Variants in INO80D observed in about 807,000 individuals in gnomAD.
INO80D encodes the protein INO80 complex subunit D.
INO80D carries 21 observed loss-of-function variants against 87.6 expected under a neutral mutation model. The observed-to-expected ratio is 0.24, with a 90% confidence interval of 0.17 to 0.35. The LOEUF (loss-of-function observed/expected upper bound fraction) is 0.35, where lower values mean the gene tolerates loss of function less well. Ranked by LOEUF, INO80D falls within the 10% of genes least tolerant of loss-of-function variation. INO80D has a pLI of 1.00. For synonymous variants in INO80D, 440 were observed against 491.0 expected, an observed-to-expected ratio of 0.90 and a Z score of 1.37; for missense variants, 982 against 1,280.7, an observed-to-expected ratio of 0.77 and a Z score of 3.56.
intron 6 of INO80D, among the ~76,000 whole-genome samples, chr2:206,023,816 A>G (rs1158771655): frequency 1.3e-5 from 2 of 152,226 alleles, no homozygotes; most frequent in East Asian, 1.9e-4. Context: ...CATCAAATCA[A>G]TCTGAAAACT....
rs1471549531 is a variant in INO80D, at chr2:206,056,713, G to A, written c.449C>T (p.Pro150Leu). ...LHYLETELED[P>L]FAFNEEDDDL... is the part of the protein sequence containing the mutation. ...ATCATCTTCCTCATTGAAAGCAAAT[G>A]GGTCTTCCAATTCGGTTTCCAGGTA... is the stretch of plus-strand genomic sequence containing the variant. Residue 150 changes from proline (P) to leucine (L), a missense_variant, in exon 4 of 11, where the codon CCA becomes CTA. By Grantham distance (98) the Pro-to-Leu change is moderately conservative. Transcript: ENST00000403263. The A allele has an allele frequency of 6.2e-7, 1 of 1,613,436 alleles. No individual in the cohort carries two copies. The highest frequency in any genetic ancestry group is 1.3e-5 in the African/African-American group (1 of 74,888).
intron 6 of INO80D, among the ~76,000 whole-genome samples, chr2:206,023,308 G>A (rs190284448): frequency 6.6e-6 from 1 of 152,024 alleles, no homozygotes; most frequent in African/African-American, 2.4e-5. Context: ...TTTGAAACTA[G>A]GACTTTAATA....
intron 6 of INO80D, among the ~76,000 whole-genome samples, chr2:206,027,037 A>C (rs1688632902): frequency 6.6e-6 from 1 of 152,252 alleles, no homozygotes; most frequent in Admixed American, 6.5e-5. Flanking sequence ...ATTCAGTGAT[A>C]AAAGGAAAAG....
intron 8 of INO80D, among the ~76,000 whole-genome samples, chr2:206,012,881 A>C (rs1575800113): frequency 1.3e-5 from 2 of 151,290 alleles, no homozygotes; most frequent in South Asian, 2.1e-4. Context: ...AAAAAAAAAA[A>C]AAAAAACCAG....
rs200929508 is a variant in INO80D at position 206,009,642 on chromosome 2, T to A, written c.1695A>T (p.Ala565=). 1.1e-5 allele frequency: 17 copies of A among 1,613,964 alleles called. No individual in the cohort carries two copies. In the East Asian group the frequency reaches 3.6e-4, roughly 34 times the overall value. The stretch of plus-strand genomic sequence containing the variant: ...GCATGCTGAGGTTCCCTTGGGGGAC[T>A]GCAGGTGGAATGGGTTTTTGGGGTC... ...PRRPQKPIPP[A]VPQGNLSMPA... Residue 565 remains alanine (A), a synonymous_variant, in exon 9 of 11, where the codon GCA becomes GCT. Coordinates refer to ENST00000403263, the MANE Select transcript of INO80D (RefSeq NM_017759.5).
At chr2:206,046,342 G>T (rs1057089201) in intron 5 of INO80D, among the ~76,000 whole-genome samples, 162 bp downstream of exon 5, 3 of 152,070 alleles carry the variant, frequency 2.0e-5, no homozygotes, top group Non-Finnish European at 2.9e-5. Context: ...TTCAAAACCA[G>T]CCTGGCCAAC....
intron 1 of INO80D, among the ~76,000 whole-genome samples, chr2:206,070,192 G>A (rs1689924427): frequency 6.6e-6 from 1 of 151,144 alleles, no homozygotes; most frequent in Non-Finnish European, 1.5e-5. Context: ...GAGGTGGGCG[G>A]ATCACTTGAG....
intron 4 of INO80D, among the ~76,000 whole-genome samples, chr2:206,052,515 A>T (rs566752954): frequency 6.6e-6 from 1 of 152,178 alleles, no homozygotes; most frequent in African/African-American, 2.4e-5. Context: ...TTTATTTGAA[A>T]GAGAATCTGA....
At chr2:206,036,488 A>C (rs113661963) in intron 5 of INO80D, among the ~76,000 whole-genome samples, 1 of 152,280 alleles carries the variant, frequency 6.6e-6, no homozygotes, top group African/African-American at 2.4e-5. Context: ...AGAAATGGAA[A>C]ACCAAACATC....
chr2:206,079,389 C>A (rs144401646), intron 1 of INO80D, among the ~76,000 whole-genome samples: 4 of 152,232 alleles, frequency 2.6e-5, no homozygotes, highest in South Asian at 2.1e-4. Flanking sequence ...AGGTTTCAAA[C>A]CAAATGTATA....
rs1312394934 is a variant in INO80D, at chr2:206,016,710, G to A, written c.1542+970C>T. On this transcript the variant is annotated intron_variant, in intron 8 of 10. Coordinates refer to ENST00000403263, the MANE Select transcript of INO80D (RefSeq NM_017759.5). ...TTGTGGGAGGGACCTGGTGGGAGAC[G>A]ACTGAATTATGGGGCAGGTCTTTCC... 2.0e-5 allele frequency among the ~76,000 whole-genome samples: 3 copies of A among 152,178 alleles called. 1 individual carries two copies. The highest frequency in any genetic ancestry group is 4.1e-4 in the South Asian group (2 of 4,828).
At chr2:206,066,207 G>A (rs116035553) in intron 1 of INO80D, among the ~76,000 whole-genome samples, 2,869 of 152,162 alleles carry the variant, frequency 0.019, 84 homozygotes, top group African/African-American at 0.065. Flanking sequence ...GCAGTGAGCT[G>A]AGATCGCAAC....
At chr2:206,022,249 C>A (rs1055093458) in intron 6 of INO80D, among the ~76,000 whole-genome samples, 9 of 151,836 alleles carry the variant, frequency 5.9e-5, no homozygotes, top group Admixed American at 3.3e-4. Context: ...CACCTGTAAT[C>A]CCAGCTACTC....
intron 8 of INO80D, among the ~76,000 whole-genome samples, chr2:206,016,577 A>G (rs1363333531): frequency 6.6e-6 from 1 of 152,196 alleles, no homozygotes; most frequent in Non-Finnish European, 1.5e-5. Flanking sequence ...ATGTGAAGGT[A>G]TTACAATGTG....
chr2:206,080,902 C>CTA (rs1690262439), intron 1 of INO80D, among the ~76,000 whole-genome samples: 1 of 38,064 alleles, frequency 2.6e-5, no homozygotes, highest in African/African-American at 1.6e-4. Context: ...GACTCAGTCT[C>CTA]AAAAAAAAAA....
rs1687766409 is a variant in INO80D, at chr2:205,994,207, C to T, written c.*10161G>A. ...TAACTTTTGTGCATATAATTAAACT[C>T]CCAGCCACTATGAACACAAATACAG... On this transcript the variant is annotated 3_prime_UTR_variant, in exon 11 of 11. Transcript: ENST00000403263. The T allele has an allele frequency of 6.6e-6, 1 of 152,186 alleles. No individual in the cohort carries two copies. The highest frequency in any genetic ancestry group is 2.4e-5 in the African/African-American group (1 of 41,444). 9.4% of individuals were successfully genotyped at this position (152,186 alleles called of 1,614,324 possible). A position where few individuals can be genotyped will look rare whatever the true frequency, so the allele number is the denominator to read the frequency against.
intron 8 of INO80D, among the ~76,000 whole-genome samples, chr2:206,012,789 A>T (rs1235874865): frequency 3.3e-5 from 5 of 150,922 alleles, no homozygotes; most frequent in Non-Finnish European, 7.4e-5. Flanking sequence ...GAATTCCTTG[A>T]ACCTGAGAGA....
intron 1 of INO80D, among the ~76,000 whole-genome samples, chr2:206,064,573 G>A (rs562324767): frequency 1.3e-5 from 2 of 152,280 alleles, no homozygotes; most frequent in South Asian, 4.1e-4. Context: ...CTATTTGAAT[G>A]TCAGTTTTCT....
intron 1 of INO80D, among the ~76,000 whole-genome samples, chr2:206,067,188 AG>A (rs1689839999): frequency 6.6e-6 from 1 of 151,984 alleles, no homozygotes; most frequent in African/African-American, 2.4e-5. Context: ...CGGAGGTTGC[AG>A]TGAGCCAAGA....
Sources: allele counts gnomAD v4.1 joint callset (sites outside exome capture counted in the v4.1 genomes callset), GRCh38; gene constraint gnomAD v4.1.1; transcripts MANE v1.5; gene names NCBI Gene and HGNC (gene_info 2026-07-23, HGNC 2026-07-21).